The following SPRED2 variants were observed in gnomAD, a reference collection of about 807,000 sequenced individuals.
SPRED2 encodes sprouty related EVH1 domain containing 2, also known as sprouty-related, EVH1 domain-containing protein 2.
A neutral mutation model predicts 43.0 loss-of-function variants in SPRED2; 47 were observed. The observed-to-expected ratio is 1.09, with a 90% CI of 0.87 to 1.40. The LOEUF is 1.40. Among genes scored for constraint, SPRED2 ranks in the 40% most tolerant of loss-of-function variants. The pLI is 0.00. For synonymous variants in SPRED2, 225 were observed against 225.7 expected (o/e 1.00, Z 0.03); for missense variants, 561 against 586.4 (o/e 0.96, Z 0.45).
At chr2:65,410,329 T>G (rs974037678) in intron 1 of SPRED2, among the ~76,000 whole-genome samples, 2 of 152,338 alleles carry the variant, frequency 1.3e-5, no homozygotes, top group African/African-American at 2.4e-5. Context: ...TCTCTCGCTC[T>G]CTCTCTGTCT....
At chr2:65,339,834 T>C (rs1674129273) in intron 2 of SPRED2, among the ~76,000 whole-genome samples, 1 of 152,156 alleles carries the variant, frequency 6.6e-6, no homozygotes, top group Non-Finnish European at 1.5e-5. Flanking sequence ...GGTTGAGTTT[T>C]AGTGTAGTAT....
chr2:65,371,188 A>G (rs914337944), intron 1 of SPRED2, among the ~76,000 whole-genome samples: 2 of 131,660 alleles, frequency 1.5e-5, no homozygotes, highest in African/African-American at 2.5e-5. Context: ...ATCATACTGA[A>G]TATTTTTTTT....
chr2:65,324,331 T>G (rs1421283864), intron 4 of SPRED2, among the ~76,000 whole-genome samples: 1 of 152,178 alleles, frequency 6.6e-6, no homozygotes, highest in Non-Finnish European at 1.5e-5. Context: ...GACCTTAATG[T>G]TATGATGGCT....
intron 1 of SPRED2, among the ~76,000 whole-genome samples, chr2:65,414,492 G>A (rs1676228434): frequency 1.3e-5 from 2 of 151,546 alleles, no homozygotes; most frequent in Non-Finnish European, 1.5e-5. Context: ...CTTGCCCAAG[G>A]GCCTATCAGT....
intron 1 of SPRED2, among the ~76,000 whole-genome samples, chr2:65,418,785 C>T (rs112621527): frequency 2.1e-3 from 316 of 152,100 alleles, no homozygotes; most frequent in Middle Eastern, 6.8e-3. Context: ...AAACTCCTGA[C>T]CTGAAGTGAT....
At chr2:65,428,758 G>A (rs748406935) in intron 1 of SPRED2, among the ~76,000 whole-genome samples, 7 of 152,326 alleles carry the variant, frequency 4.6e-5, no homozygotes, top group African/African-American at 1.4e-4. Flanking sequence ...ATGGCAGCTC[G>A]ATGTCTCCAG....
rs182140417 is a variant in SPRED2, at chr2:65,359,867, C to T, written c.27-14971G>A. 1.9e-4 allele frequency among the ~76,000 whole-genome samples: 29 copies of T among 152,146 alleles called. No homozygotes were observed. The East Asian group carries it at 4.6e-3, about 24-fold the overall frequency. On this transcript the variant is annotated intron_variant, in intron 1 of 5. Coordinates refer to ENST00000356388, the MANE Select transcript of SPRED2 (RefSeq NM_181784.3). ...ATTACCTGAGGTCAGGAGTTTAAGA[C>T]CAGCCTGGCAAACATGGTGAAACTC...
At chr2:65,310,733 G>T, downstream of SPRED2, 2 of 331,478 alleles carry the variant, frequency 6.0e-6, no homozygotes, top group Non-Finnish European at 8.6e-6. Flanking sequence ...ACAGACCGGT[G>T]TCCACATGTC....
intron 2 of SPRED2, among the ~76,000 whole-genome samples, chr2:65,340,481 G>A (rs971882817): frequency 1.3e-5 from 2 of 152,238 alleles, no homozygotes; most frequent in African/African-American, 4.8e-5. Context: ...TGACTGGAAT[G>A]ATCAAACTCT....
intron 4 of SPRED2, among the ~76,000 whole-genome samples, chr2:65,323,181 G>A (rs1464422932): frequency 6.6e-6 from 1 of 152,126 alleles, no homozygotes; most frequent in East Asian, 1.9e-4. Context: ...TTTTAGTAGA[G>A]ACAGGGTTTC....
intron 1 of SPRED2, among the ~76,000 whole-genome samples, chr2:65,399,334 CA>C: frequency 6.8e-6 from 1 of 147,580 alleles, no homozygotes; most frequent in Non-Finnish European, 1.5e-5. Flanking sequence ...TAAAAACGAA[CA>C]AAATAATGGC....
At chr2:65,420,027 T>C (rs2103791866) in intron 1 of SPRED2, among the ~76,000 whole-genome samples, 2 of 152,006 alleles carry the variant, frequency 1.3e-5, no homozygotes, top group South Asian at 4.2e-4. Context: ...CAGGACAACA[T>C]GGTGAAACCC....
chr2:65,384,975 CTT>C (rs35418849), intron 1 of SPRED2, among the ~76,000 whole-genome samples: 2 of 139,814 alleles, frequency 1.4e-5, no homozygotes, highest in Admixed American at 7.3e-5. Context: ...TCCACTTCTT[CTT>C]TTTTTTTTTT....
intron 1 of SPRED2, chr2:65,377,474 C>T: frequency 2.4e-6 from 1 of 423,568 alleles, no homozygotes; most frequent in African/African-American, 2.0e-5. Flanking sequence ...GCCGACCCCC[C>T]AAAGCCTCAT....
At chr2:65,371,873 T>C (rs1430052563) in intron 1 of SPRED2, among the ~76,000 whole-genome samples, 2 of 151,972 alleles carry the variant, frequency 1.3e-5, no homozygotes, top group East Asian at 1.9e-4. Context: ...TTCAGGAGTT[T>C]GAAATGAGCT....
rs184082231 is a variant in SPRED2 at position 65,345,333 on chromosome 2, G to A, written c.27-437C>T. Among the ~76,000 whole-genome samples the A allele has an allele frequency of 1.6e-4, 23 of 142,452 alleles. No individual in the cohort carries two copies. The East Asian group carries it at 5.2e-3, about 33-fold the overall frequency. The allele number at this position is 142,452 out of a possible 152,430, so 93.5% of individuals were successfully genotyped here. ...GGCTGGAGTGTAATGGCGCGATGTCGGCTCACTGCAACCTCCGCCTCCCGG... is the reference window on the plus strand; with the variant it reads ...GGCTGGAGTGTAATGGCGCGATGTCAGCTCACTGCAACCTCCGCCTCCCGG... On this transcript the variant is annotated intron_variant, in intron 1 of 5. Transcript: ENST00000356388.
intron 1 of SPRED2, among the ~76,000 whole-genome samples, chr2:65,347,627 T>G (rs1407638702): frequency 6.6e-6 from 1 of 152,156 alleles, no homozygotes; most frequent in African/African-American, 2.4e-5. Context: ...CATCCATGAT[T>G]CAAGCTAGGG....
chr2:65,327,966 C>T (rs1409530440), intron 4 of SPRED2, among the ~76,000 whole-genome samples: 1 of 152,128 alleles, frequency 6.6e-6, no homozygotes, highest in Non-Finnish European at 1.5e-5. Flanking sequence ...TCGTGATCCG[C>T]CCACCTTGGC....
At position 65,312,963 on chromosome 2, in the gene SPRED2, CATA is replaced by C. The variant is rs1673110921; in HGVS notation, c.*535_*537del. On this transcript the variant is annotated 3_prime_UTR_variant, in exon 6 of 6. Coordinates refer to ENST00000356388, the MANE Select transcript of SPRED2 (RefSeq NM_181784.3). ...TTTGTTAACTAGCTCACCTCCTATA[CATA>C]ATAACTGACTGCAGGCTGAGATACT... 1.0e-6 allele frequency: 1 copy of C among 985,798 alleles called. No individual in the cohort carries two copies. Among genetic ancestry groups the C allele is most frequent in the Non-Finnish European group, 1.2e-6 (1 of 830,084 alleles). 61.1% of individuals were successfully genotyped at this position (985,798 alleles called of 1,614,324 possible).
Sources: gnomAD v4.1 joint callset for allele counts (sites outside exome capture counted in the v4.1 genomes callset) on GRCh38, gnomAD v4.1.1 for gene constraint, MANE v1.5 for transcripts, NCBI Gene and HGNC (gene_info 2026-07-23, HGNC 2026-07-21) for gene names.